Variants in AGBL1 observed in about 807,000 individuals in gnomAD.
The protein encoded by AGBL1 is AGBL carboxypeptidase 1, also known as cytosolic carboxypeptidase 4.
Under a neutral mutation model 118.9 loss-of-function variants are expected in AGBL1, and 130 were observed. The ratio of observed to expected loss-of-function variants is 1.09; its 90% CI spans 0.95 to 1.26. The LOEUF (loss-of-function observed/expected upper bound fraction) is 1.26, where lower values mean the gene tolerates loss of function less well. AGBL1 is among the 50% of genes most tolerant of loss of function. AGBL1 has a pLI of 0.00. For synonymous variants in AGBL1, 555 were observed against 478.9 expected (o/e 1.16, Z -2.08); for missense variants, 1,584 against 1,298.1 (o/e 1.22, Z -3.38).
Position 86,542,844 on chromosome 15 carries a change from C to A in AGBL1, c.2686-3158C>A, listed in dbSNP as rs140675452. On this transcript the variant is annotated intron_variant, in intron 19 of 22. Coordinates refer to ENST00000614907, the MANE Select transcript of AGBL1 (RefSeq NM_001386094.1). Reference sequence around the variant, plus strand: ...CTGATAATTAATATAGCTACTCTAGCATTCTTTTGTTTTGTATTTGCATAC... The same window carrying A: ...CTGATAATTAATATAGCTACTCTAGAATTCTTTTGTTTTGTATTTGCATAC... 9.5e-3 allele frequency among the ~76,000 whole-genome samples: 1,440 copies of A among 152,278 alleles called. 19 individuals carry two copies. Among genetic ancestry groups the A allele is most frequent in the Non-Finnish European group, 0.016 (1,055 of 68,024 alleles).
chr15:86,790,818 G>A (rs1483822049), intron 22 of AGBL1, among the ~76,000 whole-genome samples: 2 of 151,858 alleles, frequency 1.3e-5, no homozygotes, highest in African/African-American at 4.8e-5. Flanking sequence ...AGTTCTATGT[G>A]GTAGCAGCTC....
At chr15:86,656,633 G>A (rs769221795) in intron 21 of AGBL1, among the ~76,000 whole-genome samples, 3 of 152,110 alleles carry the variant, frequency 2.0e-5, no homozygotes, top group Non-Finnish European at 4.4e-5. Context: ...TTTGACCACT[G>A]ATGTTAATAA....
chr15:86,232,658 G>GA (rs2078475077), intron 6 of AGBL1, among the ~76,000 whole-genome samples: 1 of 152,142 alleles, frequency 6.6e-6, no homozygotes, highest in Admixed American at 6.5e-5. Flanking sequence ...ACGGAGGGCA[G>GA]GAGCACCCGG....
chr15:86,956,846 T>C (rs1200648874), intron 23 of AGBL1, among the ~76,000 whole-genome samples: 2 of 152,110 alleles, frequency 1.3e-5, no homozygotes, highest in Non-Finnish European at 2.9e-5. Flanking sequence ...GTTAGTGAAA[T>C]AAGAAATTGA....
rs371409529 is a variant in AGBL1, at chr15:86,247,705, C to T, written c.561C>T (p.Tyr187=). The T allele has an allele frequency of 2.1e-4, 335 of 1,612,342 alleles. 1 individual carries two copies. Among genetic ancestry groups the T allele is most frequent in the South Asian group, 3.3e-4 (30 of 90,656 alleles). ...GCCGCAGAGCAGTGAACCGAGGCTA[C>T]GTCACCAGCCTGCTCGGGCTGCACC... ...SNGRRAVNRG[Y]VTSLLGLHQD... Residue 187 remains tyrosine, a synonymous_variant, in exon 7 of 23, where the codon TAC becomes TAT. Transcript: ENST00000614907.
chr15:86,683,140 G>A (rs2085991461), intron 22 of AGBL1, among the ~76,000 whole-genome samples: 1 of 151,966 alleles, frequency 6.6e-6, no homozygotes, highest in African/African-American at 2.4e-5. Flanking sequence ...ACTGACAGAT[G>A]GGGGGGCATT....
chr15:86,984,017 G>T (rs1348846710), intron 23 of AGBL1, among the ~76,000 whole-genome samples: 1 of 152,074 alleles, frequency 6.6e-6, no homozygotes, highest in Non-Finnish European at 1.5e-5. Flanking sequence ...CTTTATGTGG[G>T]CATATCATTT....
Position 86,420,109 on chromosome 15 carries a change from T to G in AGBL1, c.2555+22563T>G, listed in dbSNP as rs184856297. ...GTGGATCTCCCAATACAGCACTAGA[T>G]TTCTACTAAGGAACAGACTACCTCT... On this transcript the variant is annotated intron_variant, in intron 18 of 22. Coordinates refer to ENST00000614907, the MANE Select transcript of AGBL1 (RefSeq NM_001386094.1). Among the ~76,000 whole-genome samples, 482 of 152,214 alleles carry G rather than the reference T, an allele frequency of 3.2e-3. 1 individual carries two copies. The highest frequency in any genetic ancestry group is 0.011 in the African/African-American group (455 of 41,524).
intron 22 of AGBL1, among the ~76,000 whole-genome samples, chr15:86,718,342 A>AAC (rs1283518770): frequency 2.0e-5 from 3 of 152,258 alleles, no homozygotes; most frequent in Admixed American, 6.5e-5. Flanking sequence ...GAACAAGGAG[A>AAC]ACACTTGGAC....
intron 22 of AGBL1, among the ~76,000 whole-genome samples, chr15:86,828,090 C>A (rs2079057101): frequency 6.6e-6 from 1 of 151,210 alleles, no homozygotes; most frequent in Admixed American, 6.6e-5. Context: ...CAAATACATG[C>A]CACCTTGCCC....
intron 22 of AGBL1, among the ~76,000 whole-genome samples, chr15:86,846,564 C>T (rs2079322196): frequency 6.6e-6 from 1 of 152,104 alleles, no homozygotes; most frequent in African/African-American, 2.4e-5. Context: ...CGGAGTCTCC[C>T]TCTGTCACCC....
intron 22 of AGBL1, among the ~76,000 whole-genome samples, chr15:86,850,612 C>T (rs866757754): frequency 7.9e-5 from 12 of 152,282 alleles, no homozygotes; most frequent in South Asian, 2.1e-4. Flanking sequence ...GCCAAACATT[C>T]TTATTAACAC....
chr15:86,365,446 G>A (rs1307475192), intron 17 of AGBL1, among the ~76,000 whole-genome samples: 5 of 152,070 alleles, frequency 3.3e-5, no homozygotes, highest in African/African-American at 1.2e-4. Flanking sequence ...AGATCTCCAT[G>A]TCTTTGTTAC....
At chr15:86,693,516 G>A (rs1183530593) in intron 22 of AGBL1, among the ~76,000 whole-genome samples, 1 of 152,054 alleles carries the variant, frequency 6.6e-6, no homozygotes, top group East Asian at 1.9e-4. Context: ...TTTGTTGGAT[G>A]TATAGATTGT....
chr15:87,005,993 A>G (rs2081496932), intron 24 of AGBL1, among the ~76,000 whole-genome samples: 1 of 152,200 alleles, frequency 6.6e-6, no homozygotes, highest in Non-Finnish European at 1.5e-5. Flanking sequence ...TTAGCAGCAG[A>G]GGCTGCAGAA....
intron 18 of AGBL1, among the ~76,000 whole-genome samples, chr15:86,479,515 C>A (rs910499463): frequency 1.3e-5 from 2 of 152,166 alleles, no homozygotes; most frequent in African/African-American, 4.8e-5. Flanking sequence ...AAATGCAAAT[C>A]AAAACCACAA....
intron 21 of AGBL1, among the ~76,000 whole-genome samples, chr15:86,584,778 G>A (rs370449881): frequency 1.6e-4 from 24 of 152,096 alleles, no homozygotes; most frequent in African/African-American, 5.1e-4. Context: ...TGGGCAGCAG[G>A]GTCATTTTAA....
chr15:86,164,867 G>A (rs921246025), intron 5 of AGBL1, among the ~76,000 whole-genome samples: 5 of 152,098 alleles, frequency 3.3e-5, no homozygotes, highest in East Asian at 3.9e-4. Flanking sequence ...CTCCCTCACC[G>A]CTCACCTTCA....
intron 22 of AGBL1, among the ~76,000 whole-genome samples, chr15:86,690,257 C>T (rs2086139422): frequency 6.6e-6 from 1 of 152,180 alleles, no homozygotes. Flanking sequence ...ATCTCTGATA[C>T]TACAAAGACC....
Sources: gnomAD v4.1 joint callset for allele counts (sites outside exome capture counted in the v4.1 genomes callset) on GRCh38, gnomAD v4.1.1 for gene constraint, MANE v1.5 for transcripts, NCBI Gene and HGNC (gene_info 2026-07-23, HGNC 2026-07-21) for gene names.